The following OR3A3 variants were observed in gnomAD, a reference collection of about 807,000 sequenced individuals.
OR3A3 encodes olfactory receptor 3A3.
For synonymous variants in OR3A3, 103 were observed against 163.9 expected (o/e 0.63, Z 2.84); for missense variants, 275 against 391.4 (o/e 0.70, Z 2.51).
chr17:3,421,935 G>C (rs7209837), exon 3 of OR3A3: 69,542 of 156,084 alleles, frequency 0.45, 17,304 homozygotes, highest in Non-Finnish European at 0.58. Flanking sequence ...GGGCAAGTTG[G>C]TACCTTGCTT....
chr17:3,421,149 C>T, exon 3 of OR3A3: 1 of 1,614,228 alleles, frequency 6.2e-7, no homozygotes. Context: ...CACAGCTCTT[C>T]CAGCTCTCCT....
chr17:3,418,842 C>T (rs2072408032), intron 2 of OR3A3, among the ~76,000 whole-genome samples: 1 of 152,162 alleles, frequency 6.6e-6, no homozygotes, highest in South Asian at 2.1e-4. Flanking sequence ...TCAATAAAGA[C>T]ATTGATATTT....
At chr17:3,419,371 T>A (rs2072412088) in intron 2 of OR3A3, among the ~76,000 whole-genome samples, 1 of 152,234 alleles carries the variant, frequency 6.6e-6, no homozygotes, top group Non-Finnish European at 1.5e-5. Context: ...TGAATTTTTC[T>A]ATTTTGAAGT....
In OR3A3 at chr17:3,414,314, G is replaced by A. The variant is rs1013473885; in HGVS notation, c.-7+2143G>A. Among the ~76,000 whole-genome samples, 9 of 152,136 alleles carry A rather than the reference G, an allele frequency of 5.9e-5. No homozygotes were observed. The Middle Eastern group carries it at 0.01, about 172-fold the overall frequency. ...TCTCGATCTCCTGACCTCATGATCCGCCCACCTCGGCCTCCCACAGTGCTG... is the reference window on the plus strand; with the variant it reads ...TCTCGATCTCCTGACCTCATGATCCACCCACCTCGGCCTCCCACAGTGCTG... On this transcript the variant is annotated intron_variant, in intron 2 of 2. Transcript: ENST00000641141.
exon 3 of OR3A3, chr17:3,421,587 T>C (rs1306917446): frequency 1.3e-5 from 19 of 1,513,026 alleles, no homozygotes; most frequent in East Asian, 4.5e-5. Context: ...CCCGAGAAGA[T>C]AGTAACCAAC....
At chr17:3,413,743 G>T (rs1176557020) in intron 2 of OR3A3, among the ~76,000 whole-genome samples, 1 of 151,586 alleles carries the variant, frequency 6.6e-6, no homozygotes, top group Non-Finnish European at 1.5e-5. Flanking sequence ...AACCTGGGAG[G>T]TGGAGGTTGC....
chr17:3,421,329 C>T (rs1397720626), exon 3 of OR3A3: 2 of 1,614,236 alleles, frequency 1.2e-6, no homozygotes, highest in South Asian at 2.2e-5. Context: ...GCTCCCACCT[C>T]ACTGTGGTGG....
chr17:3,421,301 A>C, exon 3 of OR3A3: 1 of 1,614,236 alleles, frequency 6.2e-7, no homozygotes, highest in East Asian at 2.2e-5. Context: ...GGCAGAAAGA[A>C]GGCCTTCTCC....
At chr17:3,420,235 T>G (rs565252748) in intron 2 of OR3A3, among the ~76,000 whole-genome samples, 2 of 152,346 alleles carry the variant, frequency 1.3e-5, no homozygotes, top group African/African-American at 4.8e-5. Flanking sequence ...TCTCACACAG[T>G]TACCCATTTT....
At chr17:3,415,561 CAAAAA>C (rs373566506) in intron 2 of OR3A3, among the ~76,000 whole-genome samples, 7 of 110,776 alleles carry the variant, frequency 6.3e-5, no homozygotes, top group Non-Finnish European at 1.1e-4. Context: ...AACTCCAACT[CAAAAA>C]AAAAAAAAAG....
In OR3A3 at chr17:3,417,893, A is replaced by G. The variant is rs568937690; in HGVS notation, c.-6-2687A>G. Among the ~76,000 whole-genome samples the G allele has an allele frequency of 2.6e-5, 4 of 152,284 alleles. No homozygotes were observed. The South Asian group carries it at 8.3e-4, about 32-fold the overall frequency. ...ATGGGACCTGTTTCTGTCTCCTGGT[A>G]CATGTTGTGACTTTTCAGTCTCTAG... On this transcript the variant is annotated intron_variant, in intron 2 of 2. Transcript: ENST00000641141.
At chr17:3,420,482 C>T in intron 2 of OR3A3, 98 bp from the exon 3 acceptor site, 1 of 1,544,610 alleles carries the variant, frequency 6.5e-7, no homozygotes, top group African/African-American at 1.4e-5. Flanking sequence ...TGAGGGATGG[C>T]CTGGGGACTC....
exon 3 of OR3A3, chr17:3,421,943 C>G (rs2072438221): frequency 6.4e-6 from 1 of 156,008 alleles, no homozygotes. Context: ...TGGTACCTTG[C>G]TTTGGGCTGT....
At chr17:3,411,767 A>G (rs985218976) in intron 1 of OR3A3, among the ~76,000 whole-genome samples, 5 of 152,258 alleles carry the variant, frequency 3.3e-5, no homozygotes, top group South Asian at 2.1e-4. Context: ...CTTTGAGGAC[A>G]TAGGCAAGTC....
exon 3 of OR3A3, chr17:3,421,604 T>A: frequency 2.0e-6 from 3 of 1,496,088 alleles, no homozygotes; most frequent in Non-Finnish European, 2.7e-6. Context: ...CAACAAACCT[T>A]GTTTATAACC....
At chr17:3,419,484 C>T (rs1330090712) in intron 2 of OR3A3, among the ~76,000 whole-genome samples, 1 of 152,134 alleles carries the variant, frequency 6.6e-6, no homozygotes, top group Non-Finnish European at 1.5e-5. Context: ...TTTCACTTAG[C>T]ATAATGTCAT....
chr17:3,421,446 G>C (rs772486235), exon 3 of OR3A3: 2 of 1,600,712 alleles, frequency 1.2e-6, no homozygotes, highest in South Asian at 2.2e-5. Flanking sequence ...TCAACCCCAT[G>C]CTGAACCCAC....
intron 2 of OR3A3, among the ~76,000 whole-genome samples, chr17:3,413,908 A>T (rs1212797528): frequency 6.6e-6 from 1 of 151,906 alleles, no homozygotes; most frequent in Non-Finnish European, 1.5e-5. Context: ...TCCATGTGGC[A>T]TCCCCTCTGC....
intron 1 of OR3A3, among the ~76,000 whole-genome samples, 172 bp from the exon 2 acceptor site, chr17:3,411,806 A>G (rs1248729124): frequency 1.3e-5 from 2 of 152,224 alleles, no homozygotes; most frequent in Non-Finnish European, 2.9e-5. Context: ...CACATTAAGC[A>G]GAGCCGACAT....
Sources: allele counts gnomAD v4.1 joint callset (sites outside exome capture counted in the v4.1 genomes callset), GRCh38; gene constraint gnomAD v4.1.1; transcripts MANE v1.5; gene names NCBI Gene and HGNC (gene_info 2026-07-23, HGNC 2026-07-21).